The following TOX2 variants were observed in gnomAD, a reference collection of about 807,000 sequenced individuals.
The protein encoded by TOX2 is TOX high mobility group box family member 2.
In TOX2, 15 loss-of-function variants were observed where a neutral mutation model predicts 47.4. The observed-to-expected ratio is 0.32, with a 90% confidence interval of 0.21 to 0.49. The LOEUF (loss-of-function observed/expected upper bound fraction) is 0.49. TOX2 is among the 20% of genes least tolerant of loss of function. The probability of loss-of-function intolerance (pLI) is 0.99; values close to 1 mark genes in which losing one functional copy is unlikely to be tolerated. For synonymous variants in TOX2, 290 were observed against 296.6 expected (o/e 0.98, Z 0.23); for missense variants, 622 against 673.1 (o/e 0.92, Z 0.84).
intron 3 of TOX2, among the ~76,000 whole-genome samples, chr20:44,048,388 T>TTTTATA (rs1555845973): frequency 8.1e-5 from 7 of 86,872 alleles, no homozygotes; most frequent in Admixed American, 1.2e-4. Flanking sequence ...TAAAATGAAT[T>TTTTATA]TATATATATA....
Position 44,066,735 on chromosome 20 carries a change from C to T in TOX2, c.1362C>T (p.Phe454=), listed in dbSNP as rs775454852. The part of the protein sequence containing the change: ...MSPSPPGPQD[F]PHISEFPSSS... ...TCCTCCTTCCCACTCTGTAGGACTT[C>T]CCGCACATCTCTGAGTTCCCCAGCA... Residue 454 remains phenylalanine (F), a synonymous_variant, in exon 8 of 9, where the codon TTC becomes TTT. Coordinates refer to ENST00000341197, the MANE Select transcript of TOX2 (RefSeq NM_001098797.2). 1 of 1,614,194 alleles carries T rather than the reference C, an allele frequency of 6.2e-7. No homozygotes were observed. Among genetic ancestry groups the T allele is most frequent in the Non-Finnish European group, 8.5e-7 (1 of 1,180,022 alleles).
At chr20:43,994,329 C>T (rs777185821) in intron 2 of TOX2, among the ~76,000 whole-genome samples, 4 of 151,466 alleles carry the variant, frequency 2.6e-5, no homozygotes, top group East Asian at 1.9e-4. Flanking sequence ...TGTGTTGGCT[C>T]GTGCCTGTAG....
At chr20:43,967,691 A>G (rs2069883252) in intron 1 of TOX2, among the ~76,000 whole-genome samples, 1 of 152,112 alleles carries the variant, frequency 6.6e-6, no homozygotes, top group Non-Finnish European at 1.5e-5. Flanking sequence ...CCATCCACCC[A>G]TCTCATTAAT....
At chr20:43,976,782 G>GCGCACACA (rs1555835309) in intron 2 of TOX2, among the ~76,000 whole-genome samples, 23 of 146,540 alleles carry the variant, frequency 1.6e-4, no homozygotes, top group African/African-American at 6.0e-4. Context: ...GAGCGCGCGC[G>GCGCACACA]CACACACACA....
intron 3 of TOX2, among the ~76,000 whole-genome samples, chr20:44,014,373 G>T (rs2145628207): frequency 6.6e-6 from 1 of 152,256 alleles, no homozygotes; most frequent in East Asian, 1.9e-4. Context: ...GAGAGAAATG[G>T]TAGAGTCGCA....
chr20:43,957,068 A>G (rs2069679973), intron 1 of TOX2, among the ~76,000 whole-genome samples: 1 of 152,232 alleles, frequency 6.6e-6, no homozygotes, highest in African/African-American at 2.4e-5. Context: ...ATGCATATAT[A>G]TTTGAATCTG....
At chr20:44,052,869 A>G (rs2071541184) in intron 4 of TOX2, among the ~76,000 whole-genome samples, 1 of 152,218 alleles carries the variant, frequency 6.6e-6, no homozygotes, top group Non-Finnish European at 1.5e-5. Context: ...TCAGGACTTT[A>G]TCAATGACAA....
At chr20:44,067,879 G>A (rs2071859155) in intron 8 of TOX2, among the ~76,000 whole-genome samples, 2 of 152,184 alleles carry the variant, frequency 1.3e-5, no homozygotes, top group South Asian at 2.1e-4. Context: ...CTGTCCCAGC[G>A]ATAGCGCCAC....
At chr20:43,928,997 A>AAAAAAAAAAAAAAC (rs540054093) in intron 1 of TOX2, among the ~76,000 whole-genome samples, 5 of 149,554 alleles carry the variant, frequency 3.3e-5, no homozygotes, top group African/African-American at 1.3e-4. Context: ...AAAAAAAAAA[A>AAAAAAAAAAAAAAC]AACAACAACA....
chr20:43,951,576 TCAAAA>T (rs2069567262), intron 1 of TOX2, among the ~76,000 whole-genome samples: 2 of 151,798 alleles, frequency 1.3e-5, no homozygotes, highest in Admixed American at 6.6e-5. Context: ...AAACTCCACC[TCAAAA>T]CAAAACAAAA....
At chr20:43,937,464 G>A in intron 1 of TOX2, among the ~76,000 whole-genome samples, 1 of 152,132 alleles carries the variant, frequency 6.6e-6, no homozygotes, top group Non-Finnish European at 1.5e-5. Context: ...GTTTGAGGAA[G>A]GGGGAGGAGG....
chr20:43,924,387 C>T (rs896820323), intron 1 of TOX2, among the ~76,000 whole-genome samples: 1 of 152,042 alleles, frequency 6.6e-6, no homozygotes, highest in Non-Finnish European at 1.5e-5. Context: ...CTCTTAGATG[C>T]TCCAGGGTGG....
chr20:44,002,465 C>T (rs2070600239), intron 2 of TOX2, among the ~76,000 whole-genome samples: 1 of 152,168 alleles, frequency 6.6e-6, no homozygotes, highest in South Asian at 2.1e-4. Flanking sequence ...GAGAAACTTA[C>T]ATGTTATTGA....
intron 5 of TOX2, among the ~76,000 whole-genome samples, chr20:44,061,410 C>T (rs979869385): frequency 1.3e-5 from 2 of 151,958 alleles, no homozygotes; most frequent in African/African-American, 2.4e-5. Flanking sequence ...AACAAAAAAA[C>T]GAAAACTGCA....
At chr20:43,922,848 C>T (rs1569698) in intron 1 of TOX2, among the ~76,000 whole-genome samples, 98,130 of 152,068 alleles carry the variant, frequency 0.65, 33,945 homozygotes, top group East Asian at 0.81. Flanking sequence ...TGAGTGCCTA[C>T]TGGGTGCTGG....
intron 2 of TOX2, among the ~76,000 whole-genome samples, chr20:43,992,556 A>T (rs2070387899): frequency 6.6e-6 from 1 of 152,192 alleles, no homozygotes; most frequent in African/African-American, 2.4e-5. Context: ...TAGCCTTCAG[A>T]TCGAGCCAGG....
chr20:43,993,377 G>A (rs769899211), intron 2 of TOX2, among the ~76,000 whole-genome samples: 1 of 152,174 alleles, frequency 6.6e-6, no homozygotes, highest in Non-Finnish European at 1.5e-5. Flanking sequence ...GGACTAGGAT[G>A]GTTGCTCTGC....
At chr20:44,003,650 G>A (rs989983877) in intron 2 of TOX2, among the ~76,000 whole-genome samples, 1 of 152,194 alleles carries the variant, frequency 6.6e-6, no homozygotes, top group East Asian at 1.9e-4. Flanking sequence ...ATCTTGGGGT[G>A]TGAAATGGGG....
chr20:43,986,310 C>T (rs1423074338), intron 2 of TOX2, among the ~76,000 whole-genome samples: 3 of 120,994 alleles, frequency 2.5e-5, no homozygotes, highest in African/African-American at 6.8e-5. Context: ...GAGATGGAGT[C>T]TCACTCTGTC....
Sources: allele counts gnomAD v4.1 joint callset (sites outside exome capture counted in the v4.1 genomes callset), GRCh38; gene constraint gnomAD v4.1.1; transcripts MANE v1.5; gene names NCBI Gene and HGNC (gene_info 2026-07-23, HGNC 2026-07-21).